Variants in CHMP3 observed in about 807,000 individuals in gnomAD.
CHMP3 encodes the protein 25.1 protein.
CHMP3 carries 8 observed loss-of-function variants against 27.4 expected under a neutral mutation model. That is an observed-to-expected ratio of 0.29 (90% CI 0.17 to 0.53). The LOEUF is 0.53. Ranked by LOEUF, CHMP3 falls within the 20% of genes least tolerant of loss-of-function variation. CHMP3 has a pLI of 0.96. For synonymous variants in CHMP3, 86 were observed against 85.5 expected (o/e 1.01, Z -0.03); for missense variants, 208 against 271.5 (o/e 0.77, Z 1.64).
At chr2:86,548,032 A>G (rs1248024533) in intron 1 of CHMP3, among the ~76,000 whole-genome samples, 2 of 152,242 alleles carry the variant, frequency 1.3e-5, no homozygotes, top group Non-Finnish European at 2.9e-5. Context: ...TAAGACAAAT[A>G]GAAAACAAAA....
Position 86,504,842 on chromosome 2 carries a change from T to G in CHMP3, c.*962A>C, listed in dbSNP as rs150384692. 6.6e-6 allele frequency: 1 copy of G among 152,354 alleles called. No individual in the cohort carries two copies. Among genetic ancestry groups the G allele is most frequent in the East Asian group, 1.9e-4 (1 of 5,194 alleles). The allele number at this position is 152,354 out of a possible 1,614,324, so 9.4% of individuals were successfully genotyped here. On this transcript the variant is annotated 3_prime_UTR_variant, in exon 6 of 6. Coordinates refer to ENST00000263856, the MANE Select transcript of CHMP3 (RefSeq NM_016079.4). ...ACTTCCCAAACTGAGCTGTTTTCCT[T>G]ATTTGTAAAGACTAAGATCGCGTAT...
At chr2:86,530,725 A>G (rs980717652) in intron 2 of CHMP3, among the ~76,000 whole-genome samples, 7 of 152,130 alleles carry the variant, frequency 4.6e-5, no homozygotes, top group African/African-American at 7.2e-5. Context: ...TTCTATTTTT[A>G]ATTTTTTGAG....
At position 86,542,576 on chromosome 2, in the gene CHMP3, T is replaced by C. The variant is rs554691066; in HGVS notation, c.46-264A>G. 5.9e-5 allele frequency among the ~76,000 whole-genome samples: 9 copies of C among 152,124 alleles called. 1 individual carries two copies. The highest frequency in any genetic ancestry group is 5.2e-4 in the Admixed American group (8 of 15,274). ...ACTTTATATAAAACCTCGGAAAGAG[T>C]ACGGTACTGTCTAGGTACACAAAGA... On this transcript the variant is annotated intron_variant, in intron 1 of 5. Transcript: ENST00000263856.
chr2:86,542,368 C>T, intron 1 of CHMP3, 56 bp from the exon 2 acceptor site: 1 of 1,518,076 alleles, frequency 6.6e-7, no homozygotes, highest in South Asian at 1.2e-5. Flanking sequence ...CTAACTCAAT[C>T]TAATTTAAGA....
chr2:86,526,778 C>T (rs1675731095), intron 3 of CHMP3, among the ~76,000 whole-genome samples: 1 of 151,854 alleles, frequency 6.6e-6, no homozygotes, highest in African/African-American at 2.4e-5. Flanking sequence ...TTATGTTTCC[C>T]AGGCTGGTTT....
At chr2:86,509,298 T>C (rs1469471231) in intron 4 of CHMP3, among the ~76,000 whole-genome samples, 1 of 152,156 alleles carries the variant, frequency 6.6e-6, no homozygotes, top group Non-Finnish European at 1.5e-5. Context: ...ATCACCAACT[T>C]GGGGGCAAGA....
At chr2:86,524,135 A>C (rs1675614245) in intron 3 of CHMP3, among the ~76,000 whole-genome samples, 1 of 152,172 alleles carries the variant, frequency 6.6e-6, no homozygotes, top group Non-Finnish European at 1.5e-5. Flanking sequence ...AAAGGTAAGA[A>C]AATTAAAGGA....
In CHMP3 at chr2:86,557,539, A is replaced by C. The variant is rs149202162; in HGVS notation, c.45+5765T>G. 6.9e-3 allele frequency among the ~76,000 whole-genome samples: 1,052 copies of C among 152,260 alleles called. 10 individuals carry two copies. Among genetic ancestry groups the C allele is most frequent in the African/African-American group, 0.023 (954 of 41,536 alleles). Reference sequence around the variant, plus strand: ...CCTCTACCTACCTCTCCAATGTTACATCTTACCACTACCATCACTCCTCTT... The same window carrying C: ...CCTCTACCTACCTCTCCAATGTTACCTCTTACCACTACCATCACTCCTCTT... On this transcript the variant is annotated intron_variant, in intron 1 of 5. Coordinates refer to ENST00000263856, the MANE Select transcript of CHMP3 (RefSeq NM_016079.4).
chr2:86,534,717 C>T (rs950731498), intron 2 of CHMP3, among the ~76,000 whole-genome samples: 1 of 151,936 alleles, frequency 6.6e-6, no homozygotes, highest in Non-Finnish European at 1.5e-5. Flanking sequence ...ATATAATGTC[C>T]TTTGTCTCAT....
At chr2:86,562,505 G>A (rs1677413029) in intron 1 of CHMP3, among the ~76,000 whole-genome samples, 1 of 152,084 alleles carries the variant, frequency 6.6e-6, no homozygotes, top group South Asian at 2.1e-4. Context: ...CTACCAATAT[G>A]AAAACTTTAC....
intron 1 of CHMP3, among the ~76,000 whole-genome samples, chr2:86,556,268 G>A (rs1677117634): frequency 6.6e-6 from 1 of 152,156 alleles, no homozygotes; most frequent in African/African-American, 2.4e-5. Flanking sequence ...CTAGGATTTT[G>A]CATATCTTTC....
At chr2:86,547,663 C>T (rs907546869) in intron 1 of CHMP3, among the ~76,000 whole-genome samples, 2 of 152,072 alleles carry the variant, frequency 1.3e-5, no homozygotes, top group African/African-American at 4.8e-5. Context: ...AGACAAAGAG[C>T]TCAAGAAAAT....
chr2:86,537,677 C>T (rs1676202627), intron 2 of CHMP3, among the ~76,000 whole-genome samples: 1 of 152,082 alleles, frequency 6.6e-6, no homozygotes, highest in South Asian at 2.1e-4. Flanking sequence ...CATAGGGTGT[C>T]TGTAGTAAAG....
At chr2:86,527,507 C>T (rs183595232) in intron 3 of CHMP3, among the ~76,000 whole-genome samples, 193 of 152,212 alleles carry the variant, frequency 1.3e-3, no homozygotes, top group African/African-American at 4.5e-3. Flanking sequence ...TTCAAGCTGG[C>T]TATAAAAGAC....
chr2:86,557,529 C>G (rs1677173192), intron 1 of CHMP3, among the ~76,000 whole-genome samples: 1 of 152,204 alleles, frequency 6.6e-6, no homozygotes, highest in African/African-American at 2.4e-5. Context: ...ACCTACCTCT[C>G]CAATGTTACA....
At chr2:86,542,191 A>T in intron 2 of CHMP3, 61 bp downstream of exon 2, 1 of 1,545,658 alleles carries the variant, frequency 6.5e-7, no homozygotes, top group Non-Finnish European at 8.9e-7. Flanking sequence ...GTTTATTTTT[A>T]TGAACTGAAG....
chr2:86,543,473 C>G (rs544201427), intron 1 of CHMP3, among the ~76,000 whole-genome samples: 1 of 152,336 alleles, frequency 6.6e-6, no homozygotes, highest in East Asian at 1.9e-4. Context: ...GCCTTGCTTG[C>G]TCAAAGGCAC....
At chr2:86,534,330 G>A (rs745323255) in intron 2 of CHMP3, among the ~76,000 whole-genome samples, 1 of 150,414 alleles carries the variant, frequency 6.6e-6, no homozygotes, top group South Asian at 2.1e-4. Flanking sequence ...TCCCGTACCT[G>A]GGATTACAGG....
chr2:86,530,824 A>G (rs2103949737), intron 2 of CHMP3, among the ~76,000 whole-genome samples: 2 of 152,354 alleles, frequency 1.3e-5, no homozygotes, highest in East Asian at 3.9e-4. Flanking sequence ...CATACTCACC[A>G]ACACTGGTTA....
Sources: gnomAD v4.1 joint callset for allele counts (sites outside exome capture counted in the v4.1 genomes callset) on GRCh38, gnomAD v4.1.1 for gene constraint, MANE v1.5 for transcripts, NCBI Gene and HGNC (gene_info 2026-07-23, HGNC 2026-07-21) for gene names.